OTULINL: variants seen among roughly 807,000 people sequenced by gnomAD.
OTULINL encodes OTU deubiquitinase with linear linkage specificity like, also known as inactive ubiquitin thioesterase OTULINL.
In OTULINL, 42 loss-of-function variants were observed where a neutral mutation model predicts 43.9. The ratio of observed to expected loss-of-function variants is 0.96; its 90% CI spans 0.75 to 1.24. The LOEUF (loss-of-function observed/expected upper bound fraction) is 1.24, where lower values mean the gene tolerates loss of function less well. Among genes scored for constraint, OTULINL ranks in the 50% most tolerant of loss-of-function variants. The pLI is 0.00. For missense variants in OTULINL, 411 were observed against 426.4 expected (o/e 0.96, Z 0.32); for synonymous variants, 172 against 153.6 (o/e 1.12, Z -0.88).
intron 1 of OTULINL, among the ~76,000 whole-genome samples, chr5:14,600,126 A>G (rs1425097082): frequency 6.6e-6 from 1 of 152,174 alleles, no homozygotes; most frequent in African/African-American, 2.4e-5. Flanking sequence ...GTGGGAGGTA[A>G]TTGAATCATG....
chr5:14,587,043 G>T (rs1012744298), intron 1 of OTULINL, among the ~76,000 whole-genome samples: 1 of 152,152 alleles, frequency 6.6e-6, no homozygotes, highest in Non-Finnish European at 1.5e-5. Flanking sequence ...TCATCGGAGC[G>T]TGTACTTTGA....
intron 5 of OTULINL, among the ~76,000 whole-genome samples, chr5:14,605,949 A>G (rs1018158115): frequency 2.0e-5 from 3 of 151,708 alleles, no homozygotes; most frequent in Non-Finnish European, 2.9e-5. Context: ...AATTGTTCCA[A>G]CCTCTGCTTG....
intron 1 of OTULINL, among the ~76,000 whole-genome samples, chr5:14,598,061 G>A (rs888279401): frequency 1.3e-5 from 2 of 152,194 alleles, no homozygotes; most frequent in African/African-American, 4.8e-5. Context: ...GTGCTCAAGA[G>A]AGATGGCCCA....
At position 14,615,548 on chromosome 5, in the gene OTULINL, A is replaced by T. The variant is rs1759659952; in HGVS notation, c.*5234A>T. ...AGGCACATCTGTGACTCCCTTAAAT[A>T]AAAAGGGCCAGAGATGAGGGGACGC... On this transcript the variant is annotated 3_prime_UTR_variant, in exon 8 of 8. Coordinates refer to ENST00000274217, the MANE Select transcript of OTULINL (RefSeq NM_019018.3). Among the ~76,000 whole-genome samples, 1 of 152,198 alleles carries T rather than the reference A, an allele frequency of 6.6e-6. No homozygotes were observed. Among genetic ancestry groups the T allele is most frequent in the South Asian group, 2.1e-4 (1 of 4,832 alleles).
intron 1 of OTULINL, among the ~76,000 whole-genome samples, chr5:14,596,697 A>G (rs1031511825): frequency 1.3e-4 from 20 of 152,174 alleles, no homozygotes; most frequent in Admixed American, 3.3e-4. Context: ...CTGTTGTTAT[A>G]ACAGAATACC....
intron 7 of OTULINL, among the ~76,000 whole-genome samples, chr5:14,609,861 G>A (rs545734529): frequency 4.6e-5 from 7 of 152,042 alleles, no homozygotes; most frequent in Non-Finnish European, 8.8e-5. Context: ...CTCGTGATCC[G>A]CCCGCCTCGG....
Position 14,607,470 on chromosome 5 carries a change from C to CG in OTULINL, c.627+17dup, listed in dbSNP as rs776133980. ...TATTGAAAACACAGGTAAGTGTTTG[C>CG]GGGGGAAATAAAAAGACTAGGAATA... On this transcript the variant is annotated intron_variant, in intron 6 of 7. Coordinates refer to ENST00000274217, the MANE Select transcript of OTULINL (RefSeq NM_019018.3). 4.3e-6 allele frequency: 7 copies of CG among 1,611,884 alleles called. No individual in the cohort carries two copies. The East Asian group carries it at 6.7e-5, about 15-fold the overall frequency.
intron 1 of OTULINL, among the ~76,000 whole-genome samples, chr5:14,587,848 T>C (rs1400637216): frequency 2.6e-5 from 4 of 152,222 alleles, no homozygotes; most frequent in Non-Finnish European, 4.4e-5. Flanking sequence ...TTCTCCCATA[T>C]GTAATTGATT....
chr5:14,592,939 C>G (rs780844737), intron 1 of OTULINL, among the ~76,000 whole-genome samples: 2 of 152,190 alleles, frequency 1.3e-5, no homozygotes, highest in African/African-American at 2.4e-5. Flanking sequence ...GTCTCATGTC[C>G]TAGGGAAGCA....
In OTULINL at chr5:14,610,142, T is replaced by C. The variant is rs1759553608; in HGVS notation, c.899T>C (p.Ile300Thr). The change falls in exon 8 of 8, where the codon ATT becomes ACT. Residue 300 changes from isoleucine (I) to threonine (T), a missense_variant and splice_region_variant. Transcript: ENST00000274217. ...SVGDTCGLEQ[I>T]DMFILGYSLE... The stretch of plus-strand genomic sequence containing the variant: ...ACCTGTCTTTCATCTCATCCACAGA[T>C]TGATATGTTTATACTTGGATACTCC... The C allele has an allele frequency of 1.9e-6, 3 of 1,612,182 alleles. No individual in the cohort carries two copies. Among genetic ancestry groups the C allele is most frequent in the Non-Finnish European group, 2.5e-6 (3 of 1,178,412 alleles).
chr5:14,602,382 C>G (rs1759404078), intron 5 of OTULINL, 50 bp downstream of exon 5: 1 of 1,535,026 alleles, frequency 6.5e-7, no homozygotes, highest in South Asian at 1.2e-5. Context: ...ACAATAACTG[C>G]AACTCAGACT....
rs1250161236 is a variant in OTULINL, at chr5:14,601,256, C to T, written c.256+12C>T. The T allele has an allele frequency of 3.7e-6, 6 of 1,610,200 alleles. No homozygotes were observed. Among genetic ancestry groups the T allele is most frequent in the South Asian group, 1.1e-5 (1 of 90,458 alleles). On this transcript the variant is annotated intron_variant, in intron 3 of 7. Coordinates refer to ENST00000274217, the MANE Select transcript of OTULINL (RefSeq NM_019018.3). ...GAGAAAATTCAAAAGTAAATATTTT[C>T]ATTCATTTATTTCTTTATTTTTAAG...
At chr5:14,602,161 C>G (rs751322383) in intron 4 of OTULINL, 22 bp from the exon 5 acceptor site, 3 of 1,536,788 alleles carry the variant, frequency 2.0e-6, no homozygotes, top group Non-Finnish European at 2.6e-6. Flanking sequence ...TAATAAACAA[C>G]TTTCTCTTTT....
chr5:14,600,209 TC>T (rs1759361591), intron 1 of OTULINL, among the ~76,000 whole-genome samples: 1 of 152,114 alleles, frequency 6.6e-6, no homozygotes, highest in Admixed American at 6.6e-5. Flanking sequence ...TAAGGGGCTT[TC>T]CCCCCTTTTG....
Position 14,608,778 on chromosome 5 carries a change from C to T in OTULINL, c.658C>T (p.His220Tyr). Residue 220 changes from histidine to tyrosine, a missense_variant, in exon 7 of 8, where the codon CAC becomes TAC. Transcript: ENST00000274217. Reference protein sequence around the residue: ...WTEFNGIRDYHKRGSMCNTLF... With the variant: ...WTEFNGIRDYYKRGSMCNTLF... ...TGAATTTAATGGCATTAGAGATTAT[C>T]ACAAGAGAGGAAGTATGTGCAACAC... is the stretch of plus-strand genomic sequence containing the variant. The T allele has an allele frequency of 6.2e-7, 1 of 1,610,822 alleles. No homozygotes were observed. Among genetic ancestry groups the T allele is most frequent in the Non-Finnish European group, 8.5e-7 (1 of 1,177,482 alleles).
At position 14,600,933 on chromosome 5, in the gene OTULINL, T is replaced by TC. The variant is rs1491409482; in HGVS notation, c.65-32_65-31insC. On this transcript the variant is annotated intron_variant, in intron 1 of 7. Coordinates refer to ENST00000274217, the MANE Select transcript of OTULINL (RefSeq NM_019018.3). ...GCAAACTTGTGTAATTGTGATGTGC[T>TC]TTTTTTTTTTTTTTTTTTGTAATTT... is the stretch of plus-strand genomic sequence containing the variant. 1.4e-3 allele frequency: 13 copies of TC among 9,294 alleles called. No homozygotes were observed. The East Asian group carries it at 0.023, about 17-fold the overall frequency. The allele number at this position is 9,294 out of a possible 1,614,324, so 0.6% of individuals were successfully genotyped here. A position where few individuals can be genotyped will look rare whatever the true frequency, so the allele number is the denominator to read the frequency against.
rs565120581 is a variant in OTULINL at position 14,587,310 on chromosome 5, C to T, written c.64+5352C>T. On this transcript the variant is annotated intron_variant, in intron 1 of 7. Transcript: ENST00000274217. ...TTCCGAATGCACCACGTGGACAGGT[C>T]GAAATGCTGCGGAGCAAGCAGAATG... is the stretch of plus-strand genomic sequence containing the variant. Among the ~76,000 whole-genome samples the T allele has an allele frequency of 6.6e-5, 10 of 152,216 alleles. No individual in the cohort carries two copies. In the South Asian group the frequency reaches 1.2e-3, roughly 19 times the overall value.
chr5:14,597,503 G>A (rs1579921021), intron 1 of OTULINL, among the ~76,000 whole-genome samples: 1 of 152,226 alleles, frequency 6.6e-6, no homozygotes, highest in East Asian at 1.9e-4. Context: ...CATGGTCATA[G>A]GAGTAAATGA....
chr5:14,610,080 G>A lies in OTULINL; in HGVS notation c.898-61G>A, dbSNP rs559553110. 392 of 1,471,788 alleles carry A rather than the reference G, an allele frequency of 2.7e-4. 7 individuals carry two copies. The South Asian group carries it at 3.7e-3, about 14-fold the overall frequency. The allele number at this position is 1,471,788 out of a possible 1,614,324, so 91.2% of individuals were successfully genotyped here. A position where few individuals can be genotyped will look rare whatever the true frequency, so the allele number is the denominator to read the frequency against. On this transcript the variant is annotated intron_variant, in intron 7 of 7. Coordinates refer to ENST00000274217, the MANE Select transcript of OTULINL (RefSeq NM_019018.3). ...CTGCAGAGGAACACTTCCCCCCACC[G>A]TGGCGGGAGGCAGGAATTTGCAAGT...
Sources: gnomAD v4.1 joint callset for allele counts (sites outside exome capture counted in the v4.1 genomes callset) on GRCh38, gnomAD v4.1.1 for gene constraint, MANE v1.5 for transcripts, NCBI Gene and HGNC (gene_info 2026-07-23, HGNC 2026-07-21) for gene names.